SLC2A13: variants seen among roughly 807,000 people sequenced by gnomAD.
The protein encoded by SLC2A13 is proton myo-inositol cotransporter.
Under a neutral mutation model 64.4 loss-of-function variants are expected in SLC2A13, and 32 were observed. The ratio of observed to expected loss-of-function variants is 0.50; its 90% CI spans 0.37 to 0.67. The LOEUF is 0.67. Among genes scored for constraint, SLC2A13 ranks in the 30% least tolerant of loss-of-function variants. The probability of loss-of-function intolerance (pLI) is 0.00; values close to 1 mark genes in which losing one functional copy is unlikely to be tolerated. For synonymous variants in SLC2A13, 338 were observed against 327.1 expected (o/e 1.03, Z -0.36); for missense variants, 743 against 829.2 (o/e 0.90, Z 1.28).
intron 2 of SLC2A13, among the ~76,000 whole-genome samples, chr12:40,043,627 C>T (rs1948128618): frequency 1.3e-5 from 2 of 151,872 alleles, no homozygotes; most frequent in Non-Finnish European, 2.9e-5. Flanking sequence ...CACTATAATG[C>T]AAATATATAC....
chr12:40,028,165 G>A (rs1321565054), intron 3 of SLC2A13, 136 bp downstream of exon 3: 5 of 416,762 alleles, frequency 1.2e-5, no homozygotes, highest in Non-Finnish European at 2.0e-5. Context: ...GGATATTTTT[G>A]TATAAATATA....
intron 3 of SLC2A13, among the ~76,000 whole-genome samples, chr12:39,952,197 G>T (rs888197243): frequency 2.6e-5 from 4 of 152,076 alleles, no homozygotes; most frequent in African/African-American, 9.7e-5. Context: ...ATTACTAAAT[G>T]TGGCCCTTCC....
rs541314941 is a variant in SLC2A13 at position 39,785,682 on chromosome 12, G to A, written c.1446-20824C>T. On this transcript the variant is annotated intron_variant, in intron 7 of 9. Transcript: ENST00000280871. ...AGCCACAGACACTCAACGCCAGCCC[G>A]TGAAAGCAGCCAGGAGGGAGGCTCT... is the stretch of plus-strand genomic sequence containing the variant. Among the ~76,000 whole-genome samples the A allele has an allele frequency of 7.2e-4, 109 of 152,258 alleles. 1 individual carries two copies. The highest frequency in any genetic ancestry group is 2.5e-3 in the African/African-American group (103 of 41,554).
chr12:39,858,917 T>C (rs1475915160), intron 6 of SLC2A13, among the ~76,000 whole-genome samples: 1 of 152,148 alleles, frequency 6.6e-6, no homozygotes, highest in Non-Finnish European at 1.5e-5. Context: ...TTTTTACACA[T>C]TTCTAAGGTT....
intron 3 of SLC2A13, among the ~76,000 whole-genome samples, chr12:40,012,405 CT>C (rs1240922817): frequency 3.7e-4 from 56 of 152,256 alleles, no homozygotes; most frequent in Non-Finnish European, 1.0e-4. Context: ...TGGATTAATT[CT>C]CTAATTTATT....
intron 7 of SLC2A13, chr12:39,802,339 G>A (rs1284032708): frequency 6.6e-6 from 1 of 152,136 alleles, no homozygotes; most frequent in Non-Finnish European, 1.5e-5. Flanking sequence ...TGAAGATGGT[G>A]GAAGGACATT....
rs552893138 is a variant in SLC2A13 at position 39,890,272 on chromosome 12, G to T, written c.1035-18311C>A. Among the ~76,000 whole-genome samples the T allele has an allele frequency of 4.6e-5, 7 of 152,192 alleles. No homozygotes were observed. In the South Asian group the frequency reaches 1.5e-3, roughly 32 times the overall value. On this transcript the variant is annotated intron_variant, in intron 4 of 9. Transcript: ENST00000280871. Reference sequence around the variant, plus strand: ...GATATGACTAAAGATTTATGTAAAAGGAAGTTCATTAGAGCATCATTATTA... The same window carrying T: ...GATATGACTAAAGATTTATGTAAAATGAAGTTCATTAGAGCATCATTATTA...
chr12:39,864,315 AAATGAAT>A (rs1943845467), intron 6 of SLC2A13, among the ~76,000 whole-genome samples: 1 of 152,224 alleles, frequency 6.6e-6, no homozygotes, highest in Non-Finnish European at 1.5e-5. Flanking sequence ...CCTTCTGTTT[AAATGAAT>A]AAGAGGATAG....
chr12:39,905,816 T>G (rs1250120262), intron 4 of SLC2A13, among the ~76,000 whole-genome samples: 1 of 61,460 alleles, frequency 1.6e-5, no homozygotes, highest in Non-Finnish European at 3.0e-5. Context: ...TTTATTAAAA[T>G]GCCCAGAAAA....
chr12:39,984,974 A>T (rs1198754445), intron 3 of SLC2A13, among the ~76,000 whole-genome samples: 1 of 152,172 alleles, frequency 6.6e-6, no homozygotes, highest in Non-Finnish European at 1.5e-5. Flanking sequence ...TTTATGCCCC[A>T]TAAAAGCGAG....
intron 4 of SLC2A13, among the ~76,000 whole-genome samples, chr12:39,882,983 T>G (rs561656112): frequency 9.2e-5 from 14 of 152,286 alleles, no homozygotes; most frequent in Middle Eastern, 6.8e-3. Flanking sequence ...TTATGAATAT[T>G]TTTTAGGCGC....
chr12:39,925,326 C>T (rs1179887174), intron 4 of SLC2A13, among the ~76,000 whole-genome samples: 4 of 152,014 alleles, frequency 2.6e-5, no homozygotes, highest in African/African-American at 9.7e-5. Flanking sequence ...AGCCATCAGG[C>T]CTGGCCTTAT....
At chr12:39,866,324 CTG>C (rs1211229689) in intron 5 of SLC2A13, among the ~76,000 whole-genome samples, 1 of 152,150 alleles carries the variant, frequency 6.6e-6, no homozygotes, top group African/African-American at 2.4e-5. Context: ...GATCAGATGA[CTG>C]TAGTTTTTAG....
chr12:39,941,560 C>T (rs1283788482), intron 4 of SLC2A13, among the ~76,000 whole-genome samples: 3 of 152,094 alleles, frequency 2.0e-5, no homozygotes, highest in African/African-American at 7.2e-5. Context: ...TTGGCCATTT[C>T]TATATATCCT....
intron 2 of SLC2A13, among the ~76,000 whole-genome samples, chr12:40,035,445 T>C (rs1206333878): frequency 6.6e-6 from 1 of 152,194 alleles, no homozygotes; most frequent in Non-Finnish European, 1.5e-5. Flanking sequence ...CATTGCCACA[T>C]TGAGATCCCA....
intron 1 of SLC2A13, among the ~76,000 whole-genome samples, chr12:40,070,152 C>T (rs1477776087): frequency 7.0e-6 from 1 of 142,298 alleles, no homozygotes; most frequent in Non-Finnish European, 1.5e-5. Flanking sequence ...AAATCTATGG[C>T]AGGAAAAAAA....
chr12:40,053,723 C>T (rs1027268780), intron 1 of SLC2A13, among the ~76,000 whole-genome samples: 5 of 152,116 alleles, frequency 3.3e-5, no homozygotes, highest in Non-Finnish European at 7.4e-5. Flanking sequence ...CAAGTTTAAA[C>T]CTTAAAACCG....
intron 4 of SLC2A13, among the ~76,000 whole-genome samples, chr12:39,922,684 C>A (rs750487079): frequency 2.0e-5 from 3 of 152,306 alleles, no homozygotes; most frequent in Non-Finnish European, 4.4e-5. Context: ...AGTTAGCTTT[C>A]TGTCTTGCAA....
intron 6 of SLC2A13, among the ~76,000 whole-genome samples, chr12:39,841,047 T>C (rs1397324691): frequency 6.6e-6 from 1 of 152,100 alleles, no homozygotes; most frequent in Non-Finnish European, 1.5e-5. Context: ...ACCAAATCCA[T>C]ACATGACCAT....
Sources: gnomAD v4.1 joint callset for allele counts (sites outside exome capture counted in the v4.1 genomes callset) on GRCh38, gnomAD v4.1.1 for gene constraint, MANE v1.5 for transcripts, NCBI Gene and HGNC (gene_info 2026-07-23, HGNC 2026-07-21) for gene names.